KCNC4: variants seen among roughly 807,000 people sequenced by gnomAD.
The protein encoded by KCNC4 is voltage-gated potassium channel KCNC4.
KCNC4 carries 23 observed loss-of-function variants against 42.8 expected under a neutral mutation model. The ratio of observed to expected loss-of-function variants is 0.54; its 90% confidence interval spans 0.39 to 0.76. KCNC4 has a LOEUF of 0.76. KCNC4 is among the 30% of genes least tolerant of loss of function. KCNC4 has a pLI of 0.00. For synonymous variants in KCNC4, 422 were observed against 393.5 expected (o/e 1.07, Z -0.86); for missense variants, 751 against 898.2 (o/e 0.84, Z 2.10).
Position 110,211,791 on chromosome 1 carries a change from A to G in KCNC4, c.292A>G (p.Arg98Gly). The change falls in exon 1 of 4, where the codon AGG (arginine) becomes GGG (glycine). Residue 98 changes from arginine to glycine, a missense_variant. Physicochemically the swap from Arg to Gly is moderately radical, Grantham distance 125. Coordinates refer to ENST00000438661, the MANE Select transcript of KCNC4 (RefSeq NM_001039574.3). The surrounding 1 kb of genome is among the most constrained non-coding windows in gnomAD (Gnocchi z 6.5). Reference sequence around the variant, plus strand: ...CGGGGGCTGCGAGTTCTTCTTCGACAGGCACCCGGGCGTCTTCGCCTACGT... The same window carrying G: ...CGGGGGCTGCGAGTTCTTCTTCGACGGGCACCCGGGCGTCTTCGCCTACGT... ...GGGGCEFFFD[R>G]HPGVFAYVLN... 6.2e-7 allele frequency: 1 copy of G among 1,611,256 alleles called. No individual in the cohort carries two copies. Among genetic ancestry groups the G allele is most frequent in the South Asian group, 1.1e-5 (1 of 90,998 alleles).
chr1:110,246,976 G>A (rs1023679619), exon 4 of KCNC4: 9 of 151,786 alleles, frequency 5.9e-5, no homozygotes, highest in Admixed American at 2.6e-4. Context: ...ACATCCATGT[G>A]TACACATTTT....
intron 1 of KCNC4, among the ~76,000 whole-genome samples, chr1:110,261,246 C>T (rs992128255): frequency 3.9e-5 from 6 of 152,144 alleles, no homozygotes; most frequent in African/African-American, 1.4e-4. Flanking sequence ...AGCCATATGC[C>T]CTTAGGGAAA....
At chr1:110,225,852 G>T in intron 2 of KCNC4, 123 bp from the exon 3 acceptor site, 1 of 900,016 alleles carries the variant, frequency 1.1e-6, no homozygotes, top group Non-Finnish European at 1.7e-6. Flanking sequence ...TGCCTCTCAG[G>T]TAGATGCTAG....
At chr1:110,266,066 C>T (rs1187711132) in intron 1 of KCNC4, among the ~76,000 whole-genome samples, 1 of 151,994 alleles carries the variant, frequency 6.6e-6, no homozygotes, top group South Asian at 2.1e-4. Flanking sequence ...GCAGAAGAGG[C>T]ACTGTGGAGC....
In KCNC4 at chr1:110,210,357, AGCCCCTAGG is replaced by A. The variant is rs1657362408; in HGVS notation, c.-1137_-1129del. Among the ~76,000 whole-genome samples the A allele has an allele frequency of 6.6e-6, 1 of 151,406 alleles. No individual in the cohort carries two copies. The highest frequency in any genetic ancestry group is 6.6e-5 in the Admixed American group (1 of 15,228). ...CTGCCAGCGCCGGAGGGAGACCATG[AGCCCCTAGG>A]GCCCCAGCCCACCGGCGCCGAGGCG... is the stretch of plus-strand genomic sequence containing the variant. On this transcript the variant is annotated 5_prime_UTR_variant, in exon 1 of 4. It removes the in-frame stop codon of an upstream open reading frame in the 5' UTR. Transcript: ENST00000438661.
chr1:110,226,044 T>TG lies in KCNC4; in HGVS notation c.1687dup (p.Ala563GlyfsTer41). On this transcript the variant is annotated frameshift_variant, in exon 3 of 4. Transcript: ENST00000438661. LOFTEE classifies it high-confidence loss of function. ...GAGGGAGCTGGCCTCACCCAACCCC[T>TG]GGCCTCCTCCCCGACCCCCGAGGAG... The TG allele has an allele frequency of 1.2e-6, 2 of 1,613,960 alleles. No individual in the cohort carries two copies. The highest frequency in any genetic ancestry group is 1.7e-6 in the Non-Finnish European group (2 of 1,179,930).
At chr1:110,284,063 A>T (rs1314201866), downstream of KCNC4, among the ~76,000 whole-genome samples, 1 of 152,220 alleles carries the variant, frequency 6.6e-6, no homozygotes, top group South Asian at 2.1e-4. Flanking sequence ...GGAAATAGTC[A>T]AGTGTTATAT....
chr1:110,255,250 C>T (rs1223750945), intron 1 of KCNC4, among the ~76,000 whole-genome samples: 1 of 152,192 alleles, frequency 6.6e-6, no homozygotes, highest in Non-Finnish European at 1.5e-5. Context: ...TAGAGCTCTG[C>T]AGGGAGTTAA....
intron 1 of KCNC4, among the ~76,000 whole-genome samples, chr1:110,262,525 G>C (rs1334050823): frequency 6.6e-6 from 1 of 152,176 alleles, no homozygotes; most frequent in East Asian, 1.9e-4. Context: ...AAGTGAATTT[G>C]AAGTTCAGGC....
intron 3 of KCNC4, among the ~76,000 whole-genome samples, chr1:110,230,107 C>T (rs555892440): frequency 2.0e-5 from 3 of 152,140 alleles, no homozygotes; most frequent in African/African-American, 2.4e-5. Context: ...GTCCCCATCT[C>T]GGCACCTCCC....
intron 1 of KCNC4, among the ~76,000 whole-genome samples, chr1:110,266,481 T>A (rs1016677678): frequency 2.0e-5 from 3 of 152,186 alleles, no homozygotes; most frequent in African/African-American, 7.2e-5. Context: ...CCTCACTGAG[T>A]CCTTAGGAAC....
chr1:110,213,198 T>A (rs74525571), intron 1 of KCNC4, among the ~76,000 whole-genome samples: 525 of 47,310 alleles, frequency 0.011, no homozygotes, highest in African/African-American at 0.016. Context: ...AAAAAAAAAA[T>A]CCCTGAAGGA....
chr1:110,213,609 G>T (rs530301472), intron 1 of KCNC4, among the ~76,000 whole-genome samples: 1 of 152,332 alleles, frequency 6.6e-6, no homozygotes, highest in East Asian at 1.9e-4. Flanking sequence ...GCTGCAGGCA[G>T]CCACGAGAAG....
intron 3 of KCNC4, among the ~76,000 whole-genome samples, chr1:110,229,901 A>C (rs534869727): frequency 6.6e-6 from 1 of 152,304 alleles, no homozygotes; most frequent in South Asian, 2.1e-4. Context: ...TTTTAGAGTC[A>C]GATTATGCAA....
downstream of KCNC4, chr1:110,235,997 G>C (rs375391117): frequency 6.6e-6 from 1 of 152,090 alleles, no homozygotes; most frequent in Non-Finnish European, 1.5e-5. Context: ...GTAAAGCCTC[G>C]CGCACAGTGC....
In KCNC4 at chr1:110,211,658, C is replaced by A. The variant is rs367820335; in HGVS notation, c.159C>A (p.Thr53=). ...GGTRHETYRS[T]LRTLPGTRLA... ...CGCGACATGAGACCTACCGCAGCAC[C>A]CTGCGCACCCTACCGGGAACCCGCC... Residue 53 remains threonine (T), a synonymous_variant, in exon 1 of 4, where the codon ACC becomes ACA. Coordinates refer to ENST00000438661, the MANE Select transcript of KCNC4 (RefSeq NM_001039574.3). The surrounding 1 kb of genome is among the most constrained non-coding windows in gnomAD (Gnocchi z 6.5). 2.2e-5 allele frequency: 36 copies of A among 1,613,426 alleles called. No individual in the cohort carries two copies. In the East Asian group the frequency reaches 2.9e-4, roughly 13 times the overall value.
downstream of KCNC4, chr1:110,236,929 T>A (rs544448739): frequency 2.6e-5 from 4 of 152,330 alleles, no homozygotes; most frequent in Admixed American, 6.5e-5. Flanking sequence ...AATCTTTTTT[T>A]AATGAAATTT....
At chr1:110,247,555 C>CTTTTTCTTTT (rs1553215983) in exon 4 of KCNC4, 1 of 52,354 alleles carries the variant, frequency 1.9e-5, no homozygotes, top group Non-Finnish European at 4.2e-5. Context: ...TTTCTTTTTT[C>CTTTTTCTTTT]TTTTTTTTTT....
At chr1:110,237,637 T>C (rs1329920066), downstream of KCNC4, 1 of 152,242 alleles carries the variant, frequency 6.6e-6, no homozygotes, top group Non-Finnish European at 1.5e-5. Context: ...CCTAAGACTT[T>C]CTGACTCACG....
Sources: allele counts gnomAD v4.1 joint callset (sites outside exome capture counted in the v4.1 genomes callset), GRCh38; gene constraint gnomAD v4.1.1; non-coding constraint Gnocchi (gnomAD v3.1); transcripts MANE v1.5; gene names NCBI Gene and HGNC (gene_info 2026-07-23, HGNC 2026-07-21).